NTRK3: variants seen among roughly 807,000 people sequenced by gnomAD.
NTRK3 encodes NT-3 growth factor receptor.
In NTRK3, 24 loss-of-function variants were observed where a neutral mutation model predicts 91.7. The observed-to-expected ratio is 0.26, with a 90% CI of 0.19 to 0.37. NTRK3 has a LOEUF of 0.37. Ranked by LOEUF, NTRK3 falls within the 10% of genes least tolerant of loss-of-function variation. NTRK3 has a pLI of 1.00. For missense variants in NTRK3, 880 were observed against 1,068.9 expected (o/e 0.82, Z 2.46); for synonymous variants, 483 against 404.0 (o/e 1.20, Z -2.34).
At chr15:87,864,780 G>A (rs947482138) in exon 19 of NTRK3, 16 of 228,900 alleles carry the variant, frequency 7.0e-5, no homozygotes, top group South Asian at 1.8e-4. Flanking sequence ...CTCAAAACAC[G>A]TCTCAAAAGC....
intron 3 of NTRK3, among the ~76,000 whole-genome samples, chr15:88,188,076 C>T (rs1394745047): frequency 1.3e-5 from 2 of 152,196 alleles, no homozygotes; most frequent in South Asian, 2.1e-4. Context: ...ATCTTACAAA[C>T]CCACTCCCGC....
chr15:87,915,482 A>G (rs572838404), intron 17 of NTRK3, among the ~76,000 whole-genome samples: 1 of 152,336 alleles, frequency 6.6e-6, no homozygotes, highest in African/African-American at 2.4e-5. Flanking sequence ...ACAATAGAAA[A>G]GCTCTTCCTG....
At chr15:88,158,946 G>T (rs1226754080) in intron 5 of NTRK3, among the ~76,000 whole-genome samples, 1 of 152,218 alleles carries the variant, frequency 6.6e-6, no homozygotes, top group Non-Finnish European at 1.5e-5. Flanking sequence ...AGAACCCCTT[G>T]CAGCTACTGA....
rs1005697483 is a variant in NTRK3 at position 88,109,452 on chromosome 15, A to G, written c.1396+16819T>C. ...GAAGCTCCTAAAAGAAGCAGGGACA[A>G]TAATTTTTGTATCACAAGTCACAGT... On this transcript the variant is annotated intron_variant, in intron 13 of 18. Coordinates refer to ENST00000394480, the Ensembl canonical transcript of NTRK3. 3.3e-5 allele frequency among the ~76,000 whole-genome samples: 5 copies of G among 152,230 alleles called. No homozygotes were observed. In the South Asian group the frequency reaches 1.0e-3, roughly 32 times the overall value.
At chr15:88,112,185 C>A (rs981729028) in intron 13 of NTRK3, among the ~76,000 whole-genome samples, 1 of 152,178 alleles carries the variant, frequency 6.6e-6, no homozygotes, top group Admixed American at 6.5e-5. Context: ...GGATTACAGG[C>A]GTGAGCCACC....
chr15:88,252,107 T>A (rs2053453790), intron 3 of NTRK3, among the ~76,000 whole-genome samples: 1 of 152,160 alleles, frequency 6.6e-6, no homozygotes, highest in Admixed American at 6.5e-5. Context: ...TCTCTGGGGC[T>A]GTAACTACTC....
chr15:88,139,540 T>C (rs373804088), intron 6 of NTRK3, among the ~76,000 whole-genome samples: 1 of 152,182 alleles, frequency 6.6e-6, no homozygotes, highest in African/African-American at 2.4e-5. Context: ...GGAGGCAGAA[T>C]GTGCAAATAC....
At chr15:87,945,382 TTC>T (rs1257832504) in intron 14 of NTRK3, among the ~76,000 whole-genome samples, 1 of 152,218 alleles carries the variant, frequency 6.6e-6, no homozygotes, top group Non-Finnish European at 1.5e-5. Flanking sequence ...GCTCCAAGAA[TTC>T]TTTCTCTGTA....
At chr15:87,862,859 A>T in exon 19 of NTRK3, 1 of 230,642 alleles carries the variant, frequency 4.3e-6, no homozygotes, top group East Asian at 6.1e-5. Flanking sequence ...TGAGTCTCCA[A>T]AATGAATAAC....
At chr15:88,213,675 C>T (rs1469533745) in intron 3 of NTRK3, among the ~76,000 whole-genome samples, 2 of 152,196 alleles carry the variant, frequency 1.3e-5, no homozygotes, top group African/African-American at 4.8e-5. Context: ...TATTACGGCC[C>T]TCACACAGTC....
At chr15:87,958,777 AT>A (rs1200903252) in intron 14 of NTRK3, among the ~76,000 whole-genome samples, 2 of 151,848 alleles carry the variant, frequency 1.3e-5, no homozygotes, top group African/African-American at 4.8e-5. Flanking sequence ...CTGAGCTTCC[AT>A]TCTTCTCCCA....
At chr15:87,969,236 C>T (rs1190185374) in intron 14 of NTRK3, among the ~76,000 whole-genome samples, 2 of 152,132 alleles carry the variant, frequency 1.3e-5, no homozygotes, top group African/African-American at 2.4e-5. Context: ...AGGGGCCTTC[C>T]GAATCCCTGC....
intron 3 of NTRK3, among the ~76,000 whole-genome samples, chr15:88,250,610 C>T (rs1484253616): frequency 6.6e-6 from 1 of 152,100 alleles, no homozygotes; most frequent in Non-Finnish European, 1.5e-5. Context: ...CCAGCTTATT[C>T]CCTCCTCACA....
intron 3 of NTRK3, among the ~76,000 whole-genome samples, chr15:88,204,249 G>A (rs1249243176): frequency 3.9e-5 from 6 of 152,074 alleles, no homozygotes; most frequent in East Asian, 3.9e-4. Flanking sequence ...ACAATCTAAT[G>A]CCTTTCAGAC....
intron 13 of NTRK3, among the ~76,000 whole-genome samples, chr15:88,114,745 A>G (rs2051847416): frequency 6.6e-6 from 1 of 152,256 alleles, no homozygotes; most frequent in South Asian, 2.1e-4. Context: ...TCCCAGTGGC[A>G]GGAAATTAGG....
intron 17 of NTRK3, among the ~76,000 whole-genome samples, chr15:87,897,353 C>T (rs1445905464): frequency 1.3e-5 from 2 of 152,106 alleles, no homozygotes; most frequent in Non-Finnish European, 2.9e-5. Flanking sequence ...TTTACTGCCC[C>T]CAAGCAATGT....
rs554584865 is a variant in NTRK3 at position 88,049,660 on chromosome 15, T to C, written c.1397-16615A>G. 2.0e-5 allele frequency among the ~76,000 whole-genome samples: 3 copies of C among 152,330 alleles called. No homozygotes were observed. In the South Asian group the frequency reaches 6.2e-4, roughly 32 times the overall value. On this transcript the variant is annotated intron_variant, in intron 13 of 18. Transcript: ENST00000394480. ...GAAACTGCTGAGTTCCCAAACACAC[T>C]CAGAACATTGGCCTAATATGCAAAT...
intron 3 of NTRK3, among the ~76,000 whole-genome samples, chr15:88,232,074 C>T (rs1406604661): frequency 6.6e-6 from 1 of 152,138 alleles, no homozygotes; most frequent in Admixed American, 6.5e-5. Context: ...CCGCTCATGG[C>T]CCCTCCATGC....
intron 14 of NTRK3, among the ~76,000 whole-genome samples, chr15:88,028,382 A>G (rs1253298753): frequency 6.6e-6 from 1 of 152,196 alleles, no homozygotes; most frequent in Non-Finnish European, 1.5e-5. Context: ...AGCACAGTGG[A>G]AAGTGACTCG....
Sources: allele counts gnomAD v4.1 joint callset (sites outside exome capture counted in the v4.1 genomes callset), GRCh38; gene constraint gnomAD v4.1.1; transcripts MANE v1.5; gene names NCBI Gene and HGNC (gene_info 2026-07-23, HGNC 2026-07-21).